HCLS1: variants seen among roughly 807,000 people sequenced by gnomAD.
HCLS1 encodes the protein hematopoietic lineage cell-specific protein.
HCLS1 carries 44 observed loss-of-function variants against 68.6 expected under a neutral mutation model. That is an observed-to-expected ratio of 0.64 (90% confidence interval 0.50 to 0.82). The LOEUF (loss-of-function observed/expected upper bound fraction) is 0.82. Ranked by LOEUF, HCLS1 falls within the 40% of genes least tolerant of loss-of-function variation. HCLS1 has a pLI of 0.00. For synonymous variants in HCLS1, 217 were observed against 225.8 expected (o/e 0.96, Z 0.35); for missense variants, 602 against 612.1 (o/e 0.98, Z 0.17).
At chr3:121,642,041 C>CT (rs1029610421) in intron 6 of HCLS1, among the ~76,000 whole-genome samples, 1 of 136,702 alleles carries the variant, frequency 7.3e-6, no homozygotes, top group Non-Finnish European at 1.5e-5. Context: ...GATCCAGCCA[C>CT]TGCACTCCAG....
Position 121,632,663 on chromosome 3 carries a change from C to A in HCLS1, c.1009-100G>T, listed in dbSNP as rs544901419. 1.1e-4 allele frequency: 114 copies of A among 997,022 alleles called. 2 individuals are homozygous for A. In the South Asian group the frequency reaches 1.7e-3, roughly 15 times the overall value. The allele number at this position is 997,022 out of a possible 1,614,324, so 61.8% of individuals were successfully genotyped here. Reference sequence around the variant, plus strand: ...CGCCCTTCACCACCCTGCCTCTTCTCCCCTCTACCCTTGCCTCCATCTAAC... The same window carrying A: ...CGCCCTTCACCACCCTGCCTCTTCTACCCTCTACCCTTGCCTCCATCTAAC... On this transcript the variant is annotated intron_variant, in intron 11 of 13. Coordinates refer to ENST00000314583, the MANE Select transcript of HCLS1 (RefSeq NM_005335.6).
At chr3:121,652,598 T>C (rs975069349) in intron 3 of HCLS1, among the ~76,000 whole-genome samples, 3 of 152,212 alleles carry the variant, frequency 2.0e-5, no homozygotes, top group African/African-American at 4.8e-5. Context: ...AGGCGGAGGT[T>C]TCAGTGAGCC....
rs780909710 is a variant in HCLS1 at position 121,631,918 on chromosome 3, C to T, written c.1389G>A (p.Glu463=). Residue 463 remains glutamate (E), a synonymous_variant, in exon 14 of 14, where the codon GAG becomes GAA. Transcript: ENST00000314583. ...CATGGCAACGTCCCCGCCACCAGCC[C>T]TCGTCCACCATCTCAATGTCAGTGA... ...DVITDIEMVD[E]GWWRGRCHGH... 2.5e-6 allele frequency: 4 copies of T among 1,614,192 alleles called. No homozygotes were observed. The highest frequency in any genetic ancestry group is 2.5e-6 in the Non-Finnish European group (3 of 1,180,012).
intron 3 of HCLS1, among the ~76,000 whole-genome samples, chr3:121,651,628 C>T (rs1166965739): frequency 2.6e-5 from 4 of 152,168 alleles, no homozygotes; most frequent in African/African-American, 9.7e-5. Context: ...TCCACATTGT[C>T]CAGATGGTCT....
chr3:121,637,066 G>C (rs2049156626), intron 7 of HCLS1, 80 bp downstream of exon 7: 2 of 993,106 alleles, frequency 2.0e-6, no homozygotes, highest in South Asian at 2.7e-5. Flanking sequence ...GTATTCTGGG[G>C]CACCCGGGTG....
At chr3:121,658,488 A>G (rs1937921868) in intron 1 of HCLS1, 141 bp from the exon 2 acceptor site, 1 of 659,858 alleles carries the variant, frequency 1.5e-6, no homozygotes, top group African/African-American at 1.8e-5. Flanking sequence ...AAATGAAGCA[A>G]AGCAAATGGG....
Position 121,632,422 on chromosome 3 carries a change from T to C in HCLS1, c.1150A>G (p.Met384Val). The change falls in exon 12 of 14, where the codon ATG becomes GTG. Residue 384 changes from methionine (M) to valine (V), a missense_variant. Coordinates refer to ENST00000314583, the MANE Select transcript of HCLS1 (RefSeq NM_005335.6). ...TCATCCTCCTGCTCATGCCTGTCCA[T>C]CTCCTCAACGTCCTCATAGTCATTC... ...PENDYEDVEEMDRHEQEDEPE... is the reference protein window; with the variant it reads ...PENDYEDVEEVDRHEQEDEPE... The C allele has an allele frequency of 6.2e-7, 1 of 1,612,016 alleles. No individual in the cohort carries two copies. The highest frequency in any genetic ancestry group is 2.2e-5 in the East Asian group (1 of 44,850).
At chr3:121,638,905 C>G (rs191912449) in intron 6 of HCLS1, among the ~76,000 whole-genome samples, 22 of 151,956 alleles carry the variant, frequency 1.4e-4, no homozygotes, top group South Asian at 1.0e-3. Context: ...TGTAAAAAAC[C>G]AGGTGTGGTG....
At chr3:121,642,120 C>T (rs950267020) in intron 6 of HCLS1, among the ~76,000 whole-genome samples, 1 of 144,402 alleles carries the variant, frequency 6.9e-6, no homozygotes, top group Non-Finnish European at 1.5e-5. Flanking sequence ...TTATAGAAAG[C>T]GATCACGGAG....
In HCLS1 at chr3:121,636,423, C is replaced by T. The variant is rs141551761; in HGVS notation, c.621+11G>A. The stretch of plus-strand genomic sequence containing the variant: ...AACTCTTCTTAAGACATTGGTGTTC[C>T]GGTGCTTTACCTTATCCACTCGGTC... On this transcript the variant is annotated intron_variant, in intron 8 of 13. Coordinates refer to ENST00000314583, the MANE Select transcript of HCLS1 (RefSeq NM_005335.6). The T allele has an allele frequency of 1.6e-5, 25 of 1,606,930 alleles. No individual in the cohort carries two copies. Among genetic ancestry groups the T allele is most frequent in the Middle Eastern group, 1.7e-4 (1 of 6,052 alleles).
chr3:121,639,827 A>C (rs935574531), intron 6 of HCLS1, among the ~76,000 whole-genome samples: 1 of 152,256 alleles, frequency 6.6e-6, no homozygotes, highest in African/African-American at 2.4e-5. Context: ...GGAAGGCTTA[A>C]AATCAATTAT....
At chr3:121,644,450 T>C (rs1576464862) in intron 5 of HCLS1, 1 of 347,420 alleles carries the variant, frequency 2.9e-6, no homozygotes, top group Admixed American at 3.7e-5. Flanking sequence ...GATGAATCTG[T>C]TTTCCTAAAC....
In HCLS1 at chr3:121,634,325, G is replaced by A. The variant is rs769367326; in HGVS notation, c.785C>T (p.Ala262Val). The A allele has an allele frequency of 1.9e-5, 30 of 1,614,090 alleles. No homozygotes were observed. Among genetic ancestry groups the A allele is most frequent in the South Asian group, 6.6e-5 (6 of 91,074 alleles). The change falls in exon 10 of 14, where the codon GCC becomes GTC. Residue 262 changes from alanine (A) to valine (V), a missense_variant. Transcript: ENST00000314583. ...AGCCTTTCGCTCCTGTTGCCTCCTG[G>A]CCACCTGCTGTGCCTTCTCCTCTTC... is the stretch of plus-strand genomic sequence containing the variant. ...REEEEKAQQV[A>V]RRQQERKAVT...
intron 3 of HCLS1, chr3:121,655,686 T>TTTG (rs1463570899): frequency 6.8e-6 from 1 of 147,652 alleles, no homozygotes; most frequent in African/African-American, 2.5e-5. Context: ...TGTGGTTTTT[T>TTTG]TTTTTTTTTT....
intron 4 of HCLS1, among the ~76,000 whole-genome samples, chr3:121,646,254 A>G (rs1160223675): frequency 2.8e-5 from 3 of 108,434 alleles, no homozygotes; most frequent in Admixed American, 2.5e-4. Context: ...ATATATATTT[A>G]TAAATAAAAA....
At chr3:121,638,591 C>T (rs906908860) in intron 6 of HCLS1, among the ~76,000 whole-genome samples, 1 of 152,196 alleles carries the variant, frequency 6.6e-6, no homozygotes, top group Non-Finnish European at 1.5e-5. Context: ...GACTTGGAAA[C>T]TCCAAGCCTA....
intron 3 of HCLS1, among the ~76,000 whole-genome samples, chr3:121,652,791 T>C (rs552353012): frequency 3.3e-5 from 5 of 152,362 alleles, no homozygotes; most frequent in African/African-American, 1.2e-4. Context: ...TATCAAGTAC[T>C]TTGTCACTGT....
At chr3:121,655,096 T>C (rs1304745516) in intron 3 of HCLS1, among the ~76,000 whole-genome samples, 1 of 152,206 alleles carries the variant, frequency 6.6e-6, no homozygotes, top group Non-Finnish European at 1.5e-5. Context: ...AATATCTCCA[T>C]CGTTTATTCT....
At position 121,632,167 on chromosome 3, in the gene HCLS1, C is replaced by A. The variant is rs1278841424; in HGVS notation, c.1258G>T (p.Ala420Ser). 6 of 1,614,086 alleles carry A rather than the reference C, an allele frequency of 3.7e-6. No homozygotes were observed. The South Asian group carries it at 5.5e-5, about 15-fold the overall frequency. ...GCCACAGCCCCAGCCCCAGCCCCAG[C>A]CGGGCAGCCTGATGATCCTGCATAA... Reference protein sequence around the residue: ...SALAGSSGCPAGAGAGAVALG... With the variant: ...SALAGSSGCPSGAGAGAVALG... The change falls in exon 13 of 14, where the codon GCT (alanine) becomes TCT (serine). Residue 420 changes from alanine (A) to serine (S), a missense_variant. Transcript: ENST00000314583.
Sources: gnomAD v4.1 joint callset for allele counts (sites outside exome capture counted in the v4.1 genomes callset) on GRCh38, gnomAD v4.1.1 for gene constraint, MANE v1.5 for transcripts, NCBI Gene and HGNC (gene_info 2026-07-23, HGNC 2026-07-21) for gene names.